SPATA31G1: variants seen among roughly 807,000 people sequenced by gnomAD.
SPATA31G1 encodes spermatogenesis-associated protein 31G1.
the SPATA31G1 span, chr9:35,043,690 G>C: frequency 1.9e-6 from 3 of 1,614,054 alleles, no homozygotes; most frequent in Non-Finnish European, 2.5e-6. Context: ...TCAGAACCCA[G>C]AAAAGTTAGC....
chr9:35,044,213 C>A, the SPATA31G1 span: 2 of 1,614,196 alleles, frequency 1.2e-6, no homozygotes, highest in South Asian at 1.1e-5. Context: ...TGGAACCACA[C>A]AGAATCAATC....
chr9:35,042,057 A>G, the SPATA31G1 span: 1 of 751,994 alleles, frequency 1.3e-6, no homozygotes, highest in East Asian at 2.7e-5. Flanking sequence ...TGCCTGAAGC[A>G]TAATTCTGAA....
chr9:35,042,572 G>A, the SPATA31G1 span: 2 of 1,588,534 alleles, frequency 1.3e-6, no homozygotes, highest in Non-Finnish European at 1.7e-6. Context: ...CCAGGTGAGT[G>A]ACTATAAGCC....
At chr9:35,042,403 T>C in the SPATA31G1 span, 1 of 1,614,168 alleles carries the variant, frequency 6.2e-7, no homozygotes. Flanking sequence ...TTATTCGTGG[T>C]TTGGCAGATT....
the SPATA31G1 span, chr9:35,042,561 C>T: frequency 6.3e-7 from 1 of 1,598,746 alleles, no homozygotes; most frequent in Non-Finnish European, 8.5e-7. Flanking sequence ...TGAATGTGGG[C>T]CCAGGTGAGT....
the SPATA31G1 span, chr9:35,045,914 G>A: frequency 6.6e-7 from 1 of 1,521,780 alleles, no homozygotes; most frequent in South Asian, 1.3e-5. Context: ...AAGACCTGAA[G>A]CCAAACCAGG....
the SPATA31G1 span, chr9:35,043,810 C>T: frequency 6.2e-7 from 1 of 1,614,054 alleles, no homozygotes; most frequent in East Asian, 2.2e-5. Flanking sequence ...CCCCTAGACT[C>T]CCTGCCAGAA....
chr9:35,044,174 T>C, the SPATA31G1 span: 1 of 1,614,030 alleles, frequency 6.2e-7, no homozygotes, highest in African/African-American at 1.3e-5. Flanking sequence ...CCCCAGACCC[T>C]GTTCATAGCA....
At chr9:35,043,717 C>T in the SPATA31G1 span, 7 of 1,614,144 alleles carry the variant, frequency 4.3e-6, no homozygotes, top group Non-Finnish European at 5.9e-6. Context: ...GGAGGACTTG[C>T]TATATCTAAG....
the SPATA31G1 span, chr9:35,041,120 A>C: frequency 2.2e-6 from 1 of 454,750 alleles, no homozygotes; most frequent in Admixed American, 2.4e-5. Flanking sequence ...CAGAGAACAA[A>C]GGAAGGAGGA....
the SPATA31G1 span, chr9:35,044,348 C>G: frequency 6.2e-7 from 1 of 1,614,072 alleles, no homozygotes; most frequent in Non-Finnish European, 8.5e-7. Flanking sequence ...CGGAGCTGCT[C>G]AGAGTTAGAT....
the SPATA31G1 span, chr9:35,042,998 C>CA: frequency 1.9e-6 from 3 of 1,614,022 alleles, no homozygotes; most frequent in Non-Finnish European, 2.5e-6. Flanking sequence ...GTTCTCCTAC[C>CA]AAAGAAGCTC....
chr9:35,044,970 T>C, the SPATA31G1 span: 4 of 1,614,188 alleles, frequency 2.5e-6, no homozygotes, highest in East Asian at 8.9e-5. Flanking sequence ...GATCCATGCC[T>C]GGCAGTGGAG....
the SPATA31G1 span, chr9:35,045,360 G>A: frequency 2.2e-5 from 35 of 1,614,000 alleles, no homozygotes; most frequent in South Asian, 3.3e-4. Flanking sequence ...GGAGGCTGGT[G>A]TGGACTATCT....
At chr9:35,044,822 G>A in the SPATA31G1 span, 2 of 1,613,990 alleles carry the variant, frequency 1.2e-6, no homozygotes, top group African/African-American at 2.7e-5. Flanking sequence ...CAGTACCCCA[G>A]CCTCCCACCC....
At chr9:35,041,284 T>TATTA in the SPATA31G1 span, 196 of 213,670 alleles carry the variant, frequency 9.2e-4, no homozygotes, top group African/African-American at 4.5e-3. Context: ...TAAATTGATT[T>TATTA]ATTACGGCTA....
chr9:35,044,598 G>T, the SPATA31G1 span: 1 of 1,614,162 alleles, frequency 6.2e-7, no homozygotes, highest in East Asian at 2.2e-5. Context: ...AAAGTCCCAC[G>T]TAAGTGAGCC....
chr9:35,042,256 T>C, the SPATA31G1 span: 13 of 1,613,668 alleles, frequency 8.1e-6, no homozygotes, highest in Admixed American at 1.7e-5. Flanking sequence ...CTAAGGGAAA[T>C]GGAATGGCTG....
At chr9:35,045,029 C>G in the SPATA31G1 span, 1 of 1,614,210 alleles carries the variant, frequency 6.2e-7, no homozygotes, top group Non-Finnish European at 8.5e-7. Context: ...GCCCTGCCTC[C>G]AGAGCCCCTG....
Sources: gnomAD v4.1 joint callset for allele counts on GRCh38, gnomAD v4.1.1 for gene constraint, MANE v1.5 for transcripts, NCBI Gene and HGNC (gene_info 2026-07-23, HGNC 2026-07-21) for gene names.